KIAA1549: variants seen among roughly 807,000 people sequenced by gnomAD.
KIAA1549 encodes the protein UPF0606 protein KIAA1549.
Under a neutral mutation model 156.4 loss-of-function variants are expected in KIAA1549, and 70 were observed. The ratio of observed to expected loss-of-function variants is 0.45; its 90% CI spans 0.37 to 0.55. KIAA1549 has a LOEUF of 0.55. Ranked by LOEUF, KIAA1549 falls within the 20% of genes least tolerant of loss-of-function variation. KIAA1549 has a pLI of 0.00. For synonymous variants in KIAA1549, 1,103 were observed against 1,066.4 expected (o/e 1.03, Z -0.67); for missense variants, 2,428 against 2,540.9 (o/e 0.96, Z 0.96).
At chr7:138,927,458 T>C (rs1345478948) in intron 1 of KIAA1549, among the ~76,000 whole-genome samples, 4 of 152,324 alleles carry the variant, frequency 2.6e-5, no homozygotes, top group Non-Finnish European at 5.9e-5. Context: ...GCCAACATAG[T>C]GAAACCCTGT....
Position 138,857,963 on chromosome 7 carries a change from A to AT in KIAA1549, c.5247+3175dup, listed in dbSNP as rs145950473. On this transcript the variant is annotated intron_variant, in intron 16 of 19. Transcript: ENST00000422774. ...CCAAACTGACAAGCTCTGCCCTTTA[A>AT]TAGGGGTGTTTAGACCATTCACATT... 4.8e-3 allele frequency among the ~76,000 whole-genome samples: 733 copies of AT among 152,302 alleles called. 5 individuals carry two copies. The highest frequency in any genetic ancestry group is 0.017 in the African/African-American group (711 of 41,562).
intron 1 of KIAA1549, among the ~76,000 whole-genome samples, chr7:138,960,748 A>T (rs1813820446): frequency 2.0e-5 from 3 of 149,226 alleles, no homozygotes; most frequent in African/African-American, 7.5e-5. Context: ...CCAGAGAGTA[A>T]AACTGCTCTC....
rs1314019832 is a variant in KIAA1549 at position 138,899,064 on chromosome 7, T to G, written c.3738A>C (p.Gln1246His). ...PVQLIYFVED[Q>H]DGERLSAVKS... ...TGACTGCACTGAGTCTTTCTCCATCTTGATCCTCCACAAAGTAGATGAGCT... is the reference window on the plus strand; with the variant it reads ...TGACTGCACTGAGTCTTTCTCCATCGTGATCCTCCACAAAGTAGATGAGCT... Residue 1246 changes from glutamine to histidine, a missense_variant, in exon 9 of 20, where the codon CAA (glutamine) becomes CAC (histidine). Gln to His is a conservative substitution (Grantham distance 24, BLOSUM62 0). This residue lies in a region of KIAA1549 where 762 missense variants were observed against 901.6 expected (regional missense o/e 0.85). Coordinates refer to ENST00000422774, the MANE Select transcript of KIAA1549 (RefSeq NM_001164665.2). The G allele has an allele frequency of 6.2e-7, 1 of 1,613,724 alleles. No homozygotes were observed. Among genetic ancestry groups the G allele is most frequent in the East Asian group, 2.2e-5 (1 of 44,892 alleles).
intron 9 of KIAA1549, among the ~76,000 whole-genome samples, chr7:138,897,100 C>G (rs1012669018): frequency 1.3e-5 from 2 of 152,178 alleles, no homozygotes; most frequent in African/African-American, 4.8e-5. Flanking sequence ...AAGATCACAT[C>G]TGAAAGGTGC....
chr7:138,871,953 G>A (rs903861076), intron 12 of KIAA1549, among the ~76,000 whole-genome samples: 2 of 152,298 alleles, frequency 1.3e-5, no homozygotes, highest in African/African-American at 4.8e-5. Context: ...CCTGTTGCTT[G>A]CAGGGAATTA....
rs780751915 is a variant in KIAA1549, at chr7:138,918,076, G to T, written c.1550C>A (p.Thr517Lys). ...ISAEVDMSSVTTTQVPPAHGR... is the reference protein window; with the variant it reads ...ISAEVDMSSVKTTQVPPAHGR... ...GTGGGCAGGGGGAACCTGTGTGGTT[G>T]TAACACTACTCATATCCACCTCGGC... The change falls in exon 2 of 20, where the codon ACA (threonine) becomes AAA (lysine). Residue 517 changes from threonine (T) to lysine (K), a missense_variant. Coordinates refer to ENST00000422774, the MANE Select transcript of KIAA1549 (RefSeq NM_001164665.2). The surrounding 1 kb of genome is among the most constrained non-coding windows in gnomAD (Gnocchi z 4.2). 22 of 1,613,552 alleles carry T rather than the reference G, an allele frequency of 1.4e-5. No individual in the cohort carries two copies. In the Admixed American group the frequency reaches 3.2e-4, roughly 23 times the overall value.
intron 9 of KIAA1549, among the ~76,000 whole-genome samples, chr7:138,895,948 C>T (rs941274263): frequency 1.3e-5 from 2 of 152,118 alleles, no homozygotes; most frequent in African/African-American, 4.8e-5. Context: ...GGATCCACCA[C>T]TCCCCACCCT....
At chr7:138,954,588 T>TA (rs890833351) in intron 1 of KIAA1549, among the ~76,000 whole-genome samples, 1 of 152,102 alleles carries the variant, frequency 6.6e-6, no homozygotes, top group African/African-American at 2.4e-5. Flanking sequence ...GTCTGTCAGG[T>TA]AATTCCTCTG....
At chr7:138,940,020 AT>A (rs1307195045) in intron 1 of KIAA1549, among the ~76,000 whole-genome samples, 10 of 152,126 alleles carry the variant, frequency 6.6e-5, no homozygotes, top group South Asian at 4.2e-4. Context: ...TTTAAAAATA[AT>A]TTTTTTATTA....
intron 1 of KIAA1549, among the ~76,000 whole-genome samples, chr7:138,978,049 C>CA (rs1385551562): frequency 2.0e-5 from 3 of 151,970 alleles, no homozygotes; most frequent in East Asian, 1.9e-4. Context: ...TACAGCAACC[C>CA]AAAAAATGGA....
intron 1 of KIAA1549, among the ~76,000 whole-genome samples, chr7:138,970,802 T>C (rs1409587208): frequency 6.6e-6 from 1 of 152,210 alleles, no homozygotes; most frequent in Non-Finnish European, 1.5e-5. Flanking sequence ...ATCTGTTTTG[T>C]ATGTCTGAGG....
chr7:138,926,700 G>A (rs1244991018), intron 1 of KIAA1549, among the ~76,000 whole-genome samples: 1 of 152,040 alleles, frequency 6.6e-6, no homozygotes, highest in African/African-American at 2.4e-5. Flanking sequence ...TTAGAAAAAA[G>A]TGTCTTCCCC....
intron 1 of KIAA1549, among the ~76,000 whole-genome samples, chr7:138,961,846 GAAAAAAAAA>G (rs35074532): frequency 3.4e-3 from 316 of 94,042 alleles, no homozygotes; most frequent in Admixed American, 6.3e-3. Flanking sequence ...TGTCTCTTAA[GAAAAAAAAA>G]AAAAAAGAAA....
At chr7:138,904,195 TTTAG>T (rs563099080) in intron 7 of KIAA1549, among the ~76,000 whole-genome samples, 72 of 152,362 alleles carry the variant, frequency 4.7e-4, no homozygotes, top group African/African-American at 1.7e-3. Flanking sequence ...CCTGCCCATC[TTTAG>T]TTATCTATTT....
chr7:138,969,291 C>G (rs1814144289), intron 1 of KIAA1549, among the ~76,000 whole-genome samples: 1 of 152,146 alleles, frequency 6.6e-6, no homozygotes, highest in Non-Finnish European at 1.5e-5. Flanking sequence ...ACTTTCCATT[C>G]CCCCCTCCTC....
At chr7:138,962,668 G>A (rs1200571218) in intron 1 of KIAA1549, among the ~76,000 whole-genome samples, 2 of 152,234 alleles carry the variant, frequency 1.3e-5, no homozygotes, top group East Asian at 3.9e-4. Flanking sequence ...GGAGCCAACC[G>A]AACACAGCCA....
At chr7:138,955,943 G>C (rs573511558) in intron 1 of KIAA1549, among the ~76,000 whole-genome samples, 13 of 152,272 alleles carry the variant, frequency 8.5e-5, no homozygotes, top group African/African-American at 2.9e-4. Flanking sequence ...ACCCAGGCTG[G>C]AGTGCAGTGG....
At chr7:138,887,325 A>G (rs1044879800) in intron 10 of KIAA1549, among the ~76,000 whole-genome samples, 1 of 152,202 alleles carries the variant, frequency 6.6e-6, no homozygotes, top group Non-Finnish European at 1.5e-5. Context: ...ATGTTTCTTT[A>G]AACACATGTA....
At chr7:138,895,600 T>C (rs1272092160) in intron 9 of KIAA1549, among the ~76,000 whole-genome samples, 2 of 151,890 alleles carry the variant, frequency 1.3e-5, no homozygotes, top group Non-Finnish European at 2.9e-5. Flanking sequence ...CTGCTTGGAA[T>C]GATGAAGAAA....
Sources: gnomAD v4.1 joint callset for allele counts (sites outside exome capture counted in the v4.1 genomes callset) on GRCh38, gnomAD v4.1.1 for gene constraint, gnomAD v4.1.1 regional missense constraint, Gnocchi (gnomAD v3.1) non-coding constraint, MANE v1.5 for transcripts, NCBI Gene and HGNC (gene_info 2026-07-23, HGNC 2026-07-21) for gene names.